CDH12: variants seen among roughly 807,000 people sequenced by gnomAD.
CDH12 encodes the protein cadherin 12, also known as cadherin-12.
Under a neutral mutation model 74.1 loss-of-function variants are expected in CDH12, and 41 were observed. That is an observed-to-expected ratio of 0.55 (90% CI 0.43 to 0.72). The LOEUF is 0.72. Among genes scored for constraint, CDH12 ranks in the 30% least tolerant of loss-of-function variants. The pLI is 0.00. For missense variants in CDH12, 945 were observed against 977.2 expected, an observed-to-expected ratio of 0.97 and a Z score of 0.44; for synonymous variants, 399 against 355.0, an observed-to-expected ratio of 1.12 and a Z score of -1.39.
intron 3 of CDH12, among the ~76,000 whole-genome samples, chr5:22,383,866 G>A (rs2126393018): frequency 6.6e-6 from 1 of 152,168 alleles, no homozygotes; most frequent in East Asian, 1.9e-4. Context: ...CCTTCTCTGG[G>A]AGGACTGTGT....
rs1460025897 is a variant in CDH12 at position 22,078,694 on chromosome 5, C to T, written c.-18G>A. 13 of 1,611,036 alleles carry T rather than the reference C, an allele frequency of 8.1e-6. No individual in the cohort carries two copies. In the East Asian group the frequency reaches 2.9e-4, roughly 36 times the overall value. ...GTAAGCATTGGCAAAGGCTTTCCTACAGCAGAGTAATAAAAACTCCAACAC... is the reference window on the plus strand; with the variant it reads ...GTAAGCATTGGCAAAGGCTTTCCTATAGCAGAGTAATAAAAACTCCAACAC... On this transcript the variant is annotated 5_prime_UTR_variant, in exon 5 of 15. Coordinates refer to ENST00000382254, the MANE Select transcript of CDH12 (RefSeq NM_004061.5).
At chr5:22,132,861 A>G (rs1470697452) in intron 4 of CDH12, among the ~76,000 whole-genome samples, 1 of 152,086 alleles carries the variant, frequency 6.6e-6, no homozygotes, top group Non-Finnish European at 1.5e-5. Context: ...TAACTGAACC[A>G]AATTCCAAGG....
chr5:22,214,950 A>G (rs984470053), intron 3 of CDH12, among the ~76,000 whole-genome samples: 5 of 152,222 alleles, frequency 3.3e-5, no homozygotes, highest in African/African-American at 7.2e-5. Flanking sequence ...ATGTGAAAGT[A>G]CACACATGAA....
intron 4 of CDH12, among the ~76,000 whole-genome samples, chr5:22,177,663 C>T (rs1749413756): frequency 6.6e-6 from 1 of 152,032 alleles, no homozygotes; most frequent in East Asian, 1.9e-4. Context: ...ATGGGGGCTG[C>T]TATTCTAGAG....
intron 1 of CDH12, among the ~76,000 whole-genome samples, chr5:22,615,131 G>T (rs1007417172): frequency 2.0e-5 from 3 of 152,054 alleles, no homozygotes; most frequent in African/African-American, 7.2e-5. Context: ...GCAGATAAGG[G>T]TGTAGTACTG....
intron 1 of CDH12, among the ~76,000 whole-genome samples, chr5:22,729,194 C>G (rs1744309852): frequency 6.6e-6 from 1 of 151,700 alleles, no homozygotes; most frequent in South Asian, 2.1e-4. Context: ...CTCAGGGTCT[C>G]ATAAAGACAA....
intron 6 of CDH12, among the ~76,000 whole-genome samples, chr5:21,901,830 C>A (rs1009569031): frequency 1.3e-5 from 2 of 152,086 alleles, no homozygotes; most frequent in Non-Finnish European, 2.9e-5. Context: ...ATGAGGTTTT[C>A]CAAACATCAG....
At position 22,591,968 on chromosome 5, in the gene CDH12, C is replaced by T. The variant is rs867698538; in HGVS notation, c.-522-86604G>A. The stretch of plus-strand genomic sequence containing the variant: ...TTATTTGGCTTGAATCTTGTGACCA[C>T]CATGTGAACCCTAAGTCATGCCTTT... On this transcript the variant is annotated intron_variant, in intron 1 of 14. Transcript: ENST00000382254. Among the ~76,000 whole-genome samples, 630 of 102,718 alleles carry T rather than the reference C, an allele frequency of 6.1e-3. 2 individuals are homozygous for T. Among genetic ancestry groups the T allele is most frequent in the African/African-American group, 0.023 (608 of 26,186 alleles). 67.4% of individuals were successfully genotyped at this position (102,718 alleles called of 152,430 possible).
chr5:22,547,682 T>C (rs1470737722), intron 1 of CDH12, among the ~76,000 whole-genome samples: 1 of 152,212 alleles, frequency 6.6e-6, no homozygotes, highest in African/African-American at 2.4e-5. Flanking sequence ...ATGTATCAAC[T>C]AATACATCAA....
At chr5:21,753,988 T>C (rs546385101) in intron 14 of CDH12, among the ~76,000 whole-genome samples, 1 of 152,184 alleles carries the variant, frequency 6.6e-6, no homozygotes, top group African/African-American at 2.4e-5. Flanking sequence ...GTTCAAGAGA[T>C]AAAGGAAGAC....
chr5:21,918,490 A>G (rs1754203022), intron 6 of CDH12, among the ~76,000 whole-genome samples: 2 of 152,104 alleles, frequency 1.3e-5, no homozygotes, highest in Admixed American at 1.3e-4. Flanking sequence ...CTCACAGTTC[A>G]GCACAGTTGG....
intron 6 of CDH12, among the ~76,000 whole-genome samples, chr5:21,931,554 C>T (rs912435755): frequency 5.3e-5 from 8 of 152,100 alleles, no homozygotes; most frequent in Admixed American, 5.2e-4. Flanking sequence ...TTTTTCAATG[C>T]ATAATAAATC....
At chr5:22,773,652 C>CCTAAA (rs1166514287) in intron 1 of CDH12, among the ~76,000 whole-genome samples, 1 of 151,788 alleles carries the variant, frequency 6.6e-6, no homozygotes, top group East Asian at 1.9e-4. Flanking sequence ...ACAAGTGGGA[C>CCTAAA]CTAAACTAAA....
rs368393098 is a variant in CDH12 at position 22,405,554 on chromosome 5, T to C, written c.-427-203A>G. 4.3e-4 allele frequency among the ~76,000 whole-genome samples: 65 copies of C among 151,848 alleles called. No individual in the cohort carries two copies. The South Asian group carries it at 0.013, about 31-fold the overall frequency. On this transcript the variant is annotated intron_variant, in intron 2 of 14. Coordinates refer to ENST00000382254, the MANE Select transcript of CDH12 (RefSeq NM_004061.5). ...AAAGATAGTAACTCTCTGGAAAAAA[T>C]AAAAAAGCCCACATCCTAATCAGCA... is the stretch of plus-strand genomic sequence containing the variant.
At chr5:22,243,617 C>G (rs572781435) in intron 3 of CDH12, among the ~76,000 whole-genome samples, 1 of 152,240 alleles carries the variant, frequency 6.6e-6, no homozygotes, top group East Asian at 1.9e-4. Context: ...CTGCAAATAG[C>G]AAATTAGATG....
At chr5:22,683,198 G>C (rs1446647443) in intron 1 of CDH12, among the ~76,000 whole-genome samples, 1 of 152,140 alleles carries the variant, frequency 6.6e-6, no homozygotes, top group African/African-American at 2.4e-5. Context: ...GCTCCAGCAG[G>C]GAGTCACAGC....
chr5:22,128,546 CA>C (rs1746007328), intron 4 of CDH12, among the ~76,000 whole-genome samples: 1 of 151,980 alleles, frequency 6.6e-6, no homozygotes, highest in Non-Finnish European at 1.5e-5. Flanking sequence ...ATTATTTTGA[CA>C]CATGATCTCT....
At chr5:21,841,813 A>T (rs1387932870) in intron 8 of CDH12, among the ~76,000 whole-genome samples, 1 of 141,038 alleles carries the variant, frequency 7.1e-6, no homozygotes, top group Non-Finnish European at 1.5e-5. Flanking sequence ...AACAATGAGA[A>T]CATATGGACA....
intron 1 of CDH12, among the ~76,000 whole-genome samples, chr5:22,842,694 G>T (rs1170163420): frequency 2.0e-5 from 3 of 152,050 alleles, no homozygotes; most frequent in Admixed American, 2.0e-4. Flanking sequence ...AAACTACTTG[G>T]ATTTTTCAAT....
Sources: allele counts gnomAD v4.1 joint callset (sites outside exome capture counted in the v4.1 genomes callset), GRCh38; gene constraint gnomAD v4.1.1; transcripts MANE v1.5; gene names NCBI Gene and HGNC (gene_info 2026-07-23, HGNC 2026-07-21).